PTPRJ: variants seen among roughly 807,000 people sequenced by gnomAD.
The protein encoded by PTPRJ is receptor-type tyrosine-protein phosphatase eta.
In PTPRJ, 129 loss-of-function variants were observed where a neutral mutation model predicts 141.3. That is an observed-to-expected ratio of 0.91 (90% CI 0.79 to 1.06). PTPRJ has a LOEUF of 1.06. Ranked by LOEUF, PTPRJ falls within the 50% of genes least tolerant of loss-of-function variation. The pLI is 0.00. For synonymous variants in PTPRJ, 610 were observed against 640.5 expected (o/e 0.95, Z 0.72); for missense variants, 1,601 against 1,679.7 (o/e 0.95, Z 0.82).
intron 1 of PTPRJ, among the ~76,000 whole-genome samples, chr11:48,005,395 C>T (rs993724129): frequency 4.6e-5 from 7 of 152,136 alleles, no homozygotes; most frequent in Admixed American, 2.0e-4. Flanking sequence ...AATTTGCTTT[C>T]TGTTTCTGTG....
intron 1 of PTPRJ, among the ~76,000 whole-genome samples, chr11:48,061,551 T>G (rs1461131788): frequency 1.3e-5 from 2 of 152,128 alleles, no homozygotes; most frequent in African/African-American, 2.4e-5. Context: ...CTCTGTTCGG[T>G]GGATGAGGAA....
intron 1 of PTPRJ, among the ~76,000 whole-genome samples, chr11:48,070,234 C>G (rs1855210661): frequency 6.6e-6 from 1 of 152,170 alleles, no homozygotes; most frequent in Admixed American, 6.5e-5. Context: ...GGCGCGGTGG[C>G]TCATGCCTGT....
At chr11:47,994,959 A>C (rs531900796) in intron 1 of PTPRJ, among the ~76,000 whole-genome samples, 114 of 152,298 alleles carry the variant, frequency 7.5e-4, no homozygotes, top group African/African-American at 2.5e-3. Context: ...TCTCAGGGTC[A>C]ATGTATGGCA....
Position 48,144,744 on chromosome 11 carries a change from A to T in PTPRJ, c.2645A>T (p.Tyr882Phe), listed in dbSNP as rs545401706. The change falls in exon 13 of 25, where the codon TAT becomes TTT. Residue 882 changes from tyrosine to phenylalanine, a missense_variant. Transcript: ENST00000418331. ...TTCAAAAAGGGAGCCTCAGATACTTATGTGACATACCTCATAAGAACAGAA... is the reference window on the plus strand; with the variant it reads ...TTCAAAAAGGGAGCCTCAGATACTTTTGTGACATACCTCATAAGAACAGAA... ...EDFKKGASDT[Y>F]VTYLIRTEEK... The T allele has an allele frequency of 1.2e-6, 2 of 1,614,190 alleles. No individual in the cohort carries two copies. Among genetic ancestry groups the T allele is most frequent in the African/African-American group, 1.3e-5 (1 of 75,060 alleles).
At position 48,139,556 on chromosome 11, in the gene PTPRJ, C is replaced by T; in HGVS notation, c.2223C>T (p.Thr741=). The T allele has an allele frequency of 1.2e-6, 2 of 1,614,254 alleles. No homozygotes were observed. Among genetic ancestry groups the T allele is most frequent in the East Asian group, 2.2e-5 (1 of 44,888 alleles). Residue 741 remains threonine, a synonymous_variant, in exon 11 of 25, where the codon ACC becomes ACT. Transcript: ENST00000418331. ...PKEPALVLKW[T]CPPGANAGFE... is the part of the protein sequence containing the mutation. The stretch of plus-strand genomic sequence containing the variant: ...AGCCAGCCCTGGTTCTCAAATGGAC[C>T]TGCCCTCCTGGCGCCAATGCAGGCT...
chr11:48,102,553 C>A (rs966031118), intron 1 of PTPRJ, among the ~76,000 whole-genome samples: 12 of 151,922 alleles, frequency 7.9e-5, no homozygotes, highest in African/African-American at 2.7e-4. Context: ...GGATTACAGG[C>A]CACCATGCCC....
At chr11:48,159,083 G>A (rs1857685874) in intron 21 of PTPRJ, among the ~76,000 whole-genome samples, 1 of 111,126 alleles carries the variant, frequency 9.0e-6, no homozygotes, top group Non-Finnish European at 1.9e-5. Context: ...GTGTGTGCGT[G>A]TGTGTGTATG....
chr11:48,079,642 A>G (rs1189167875), intron 1 of PTPRJ, among the ~76,000 whole-genome samples: 1 of 152,042 alleles, frequency 6.6e-6, no homozygotes, highest in African/African-American at 2.4e-5. Flanking sequence ...GAGGAAGAGG[A>G]GGAGCGGCCC....
chr11:48,137,518 A>C (rs1235828976), intron 10 of PTPRJ, among the ~76,000 whole-genome samples: 1 of 152,180 alleles, frequency 6.6e-6, no homozygotes, highest in Non-Finnish European at 1.5e-5. Context: ...CCTTCTTGGA[A>C]CTTTTCGAAG....
chr11:48,130,087 TC>T (rs1856934829), intron 7 of PTPRJ, among the ~76,000 whole-genome samples: 2 of 151,186 alleles, frequency 1.3e-5, no homozygotes, highest in African/African-American at 4.9e-5. Flanking sequence ...CTGGTCTCTC[TC>T]TGCTGTCCCT....
chr11:48,056,275 A>G (rs1854749705), intron 1 of PTPRJ, among the ~76,000 whole-genome samples: 1 of 152,206 alleles, frequency 6.6e-6, no homozygotes, highest in Non-Finnish European at 1.5e-5. Context: ...TCAGCCAGAT[A>G]ATCCATAAGA....
chr11:48,087,433 A>G (rs1855745907), intron 1 of PTPRJ, among the ~76,000 whole-genome samples: 1 of 152,244 alleles, frequency 6.6e-6, no homozygotes, highest in African/African-American at 2.4e-5. Context: ...TATTTAGCAT[A>G]GTACAAAGTT....
chr11:48,141,986 A>G (rs537986013), intron 11 of PTPRJ, among the ~76,000 whole-genome samples: 2 of 149,364 alleles, frequency 1.3e-5, no homozygotes, highest in African/African-American at 2.4e-5. Context: ...CTTTAGGTCT[A>G]ATGTTTAAGG....
At chr11:48,032,477 G>A (rs1190268335) in intron 1 of PTPRJ, among the ~76,000 whole-genome samples, 1 of 152,208 alleles carries the variant, frequency 6.6e-6, no homozygotes, top group Non-Finnish European at 1.5e-5. Context: ...ATCTAGGCCG[G>A]GTGCGGTGGC....
chr11:48,099,385 T>C (rs1039559204), intron 1 of PTPRJ, among the ~76,000 whole-genome samples: 4 of 152,226 alleles, frequency 2.6e-5, no homozygotes, highest in Non-Finnish European at 5.9e-5. Context: ...CGCTTGTAAG[T>C]AAAGTTCTGT....
chr11:48,030,304 TTCTC>T (rs1853945727), intron 1 of PTPRJ, among the ~76,000 whole-genome samples: 1 of 152,214 alleles, frequency 6.6e-6, no homozygotes, highest in Non-Finnish European at 1.5e-5. Context: ...AAAGTTTTAT[TTCTC>T]TCTCACATAG....
At chr11:48,010,518 GA>G (rs888326721) in intron 1 of PTPRJ, among the ~76,000 whole-genome samples, 5 of 151,842 alleles carry the variant, frequency 3.3e-5, no homozygotes, top group Non-Finnish European at 7.4e-5. Flanking sequence ...GAAGACATGG[GA>G]CTTGAGTTAG....
At position 48,132,568 on chromosome 11, in the gene PTPRJ, G is replaced by T. The variant is rs1162787427; in HGVS notation, c.1615+1852G>T. The stretch of plus-strand genomic sequence containing the variant: ...ATAGTTGAAATCTTTTATACAGAGG[G>T]TAGAATAAAGATATACCTAATGTAA... On this transcript the variant is annotated intron_variant, in intron 8 of 24. Coordinates refer to ENST00000418331, the MANE Select transcript of PTPRJ (RefSeq NM_002843.4). The T allele has an allele frequency of 4.1e-6, 4 of 972,552 alleles. No homozygotes were observed. In the African/African-American group the frequency reaches 7.0e-5, roughly 17 times the overall value. The allele number at this position is 972,552 out of a possible 1,614,324, so 60.2% of individuals were successfully genotyped here.
chr11:47,994,776 T>C (rs1049705883), intron 1 of PTPRJ, among the ~76,000 whole-genome samples: 7 of 152,226 alleles, frequency 4.6e-5, no homozygotes, highest in Admixed American at 3.9e-4. Context: ...CTGGAGGGTC[T>C]CTGTTGCTCA....
Sources: gnomAD v4.1 joint callset for allele counts (sites outside exome capture counted in the v4.1 genomes callset) on GRCh38, gnomAD v4.1.1 for gene constraint, MANE v1.5 for transcripts, NCBI Gene and HGNC (gene_info 2026-07-23, HGNC 2026-07-21) for gene names.